Variants in TJP1 observed in about 807,000 individuals in gnomAD.
TJP1 encodes the protein tight junction protein 1, also known as tight junction protein ZO-1.
Under a neutral mutation model 194.2 loss-of-function variants are expected in TJP1, and 43 were observed. The ratio of observed to expected loss-of-function variants is 0.22; its 90% CI spans 0.17 to 0.29. The LOEUF is 0.29. Ranked by LOEUF, TJP1 falls within the 10% of genes least tolerant of loss-of-function variation. The pLI is 1.00. For synonymous variants in TJP1, 801 were observed against 779.0 expected, an observed-to-expected ratio of 1.03 and a Z score of -0.47; for missense variants, 1,971 against 2,185.7, an observed-to-expected ratio of 0.90 and a Z score of 1.96.
chr15:29,772,047 A>T lies in TJP1; in HGVS notation c.312+17T>A. The T allele has an allele frequency of 2.6e-6, 4 of 1,523,080 alleles. No homozygotes were observed. The highest frequency in any genetic ancestry group is 3.6e-6 in the Non-Finnish European group (4 of 1,113,932). The allele number at this position is 1,523,080 out of a possible 1,614,324, so 94.3% of individuals were successfully genotyped here. On this transcript the variant is annotated intron_variant, in intron 4 of 27. Transcript: ENST00000614355. Reference sequence around the variant, plus strand: ...AGTTGGGGTACCTTTACTAAATTACAGAGAAAAGATACTTACAATTTTTGC... The same window carrying T: ...AGTTGGGGTACCTTTACTAAATTACTGAGAAAAGATACTTACAATTTTTGC...
intron 27 of TJP1, among the ~76,000 whole-genome samples, chr15:29,703,619 G>A (rs1164613344): frequency 6.6e-6 from 1 of 151,956 alleles, no homozygotes; most frequent in Non-Finnish European, 1.5e-5. Flanking sequence ...TGAACACCAA[G>A]AAATAGTCAA....
chr15:29,942,561 G>C (rs868674716), intron 2 of TJP1, among the ~76,000 whole-genome samples: 1 of 152,172 alleles, frequency 6.6e-6, no homozygotes, highest in African/African-American at 2.4e-5. Flanking sequence ...CTGGCCTCTG[G>C]AACTCCCAAA....
At chr15:29,828,793 GC>G (rs1668644816) in intron 2 of TJP1, among the ~76,000 whole-genome samples, 1 of 150,792 alleles carries the variant, frequency 6.6e-6, no homozygotes. Context: ...GAGTCCAGTG[GC>G]TTGATCTCTG....
chr15:29,895,925 C>T (rs1475391011), intron 2 of TJP1, among the ~76,000 whole-genome samples: 1 of 152,094 alleles, frequency 6.6e-6, no homozygotes, highest in African/African-American at 2.4e-5. Flanking sequence ...GGGGAGAGCC[C>T]ACTCTCTCTT....
At chr15:29,939,453 C>T (rs1468732201) in intron 2 of TJP1, among the ~76,000 whole-genome samples, 3 of 152,076 alleles carry the variant, frequency 2.0e-5, no homozygotes, top group African/African-American at 4.8e-5. Flanking sequence ...GGTTCACAGC[C>T]CAAACCAGAG....
At chr15:29,745,324 G>A (rs1285882770) in intron 8 of TJP1, among the ~76,000 whole-genome samples, 8 of 132,412 alleles carry the variant, frequency 6.0e-5, no homozygotes, top group African/African-American at 8.4e-5. Flanking sequence ...AAAACTTAAT[G>A]AATATTAAAG....
chr15:29,854,020 A>G (rs2152088651), intron 2 of TJP1, among the ~76,000 whole-genome samples: 1 of 152,286 alleles, frequency 6.6e-6, no homozygotes, highest in Non-Finnish European at 1.5e-5. Context: ...TGTGACTGAT[A>G]TGTCAGTTTT....
chr15:29,781,180 G>T (rs902318765), intron 2 of TJP1, among the ~76,000 whole-genome samples: 4 of 152,098 alleles, frequency 2.6e-5, no homozygotes, highest in Non-Finnish European at 5.9e-5. Context: ...AACCATCAGA[G>T]AATACTATGA....
At chr15:29,862,646 T>C (rs2052126696) in intron 2 of TJP1, among the ~76,000 whole-genome samples, 1 of 110,932 alleles carries the variant, frequency 9.0e-6, no homozygotes, top group Non-Finnish European at 1.7e-5. Flanking sequence ...TTTTTTCTTT[T>C]CTTTTTTTTT....
At chr15:29,919,396 A>AT (rs1161194409) in intron 2 of TJP1, among the ~76,000 whole-genome samples, 1 of 152,168 alleles carries the variant, frequency 6.6e-6, no homozygotes, top group Non-Finnish European at 1.5e-5. Context: ...CAGTCATACA[A>AT]CAGTGTTTTT....
At chr15:29,724,870 A>G (rs1363647118) in intron 18 of TJP1, among the ~76,000 whole-genome samples, 1 of 152,210 alleles carries the variant, frequency 6.6e-6, no homozygotes, top group African/African-American at 2.4e-5. Flanking sequence ...TTTAAAACCA[A>G]GCAAAGAAAG....
intron 5 of TJP1, 133 bp downstream of exon 5, chr15:29,766,133 T>A: frequency 8.2e-7 from 1 of 1,220,848 alleles, no homozygotes; most frequent in South Asian, 1.6e-5. Flanking sequence ...CATAACAGGA[T>A]TTGACTTACA....
intron 2 of TJP1, among the ~76,000 whole-genome samples, 163 bp from the exon 3 acceptor site, chr15:29,773,520 C>A (rs2046824029): frequency 6.6e-6 from 1 of 152,190 alleles, no homozygotes; most frequent in Non-Finnish European, 1.5e-5. Flanking sequence ...TATCCTTGTA[C>A]AAGAATGCAT....
chr15:29,814,019 T>C (rs1196504673), intron 1 of TJP1, among the ~76,000 whole-genome samples: 2 of 152,224 alleles, frequency 1.3e-5, no homozygotes, highest in African/African-American at 4.8e-5. Context: ...GTTAAGCATA[T>C]AAGCCAATTA....
chr15:29,857,075 A>G (rs1416225211), intron 2 of TJP1, among the ~76,000 whole-genome samples: 2 of 152,182 alleles, frequency 1.3e-5, no homozygotes, highest in Admixed American at 1.3e-4. Flanking sequence ...TTGAACATCC[A>G]TGGATTTTGA....
At chr15:29,809,821 G>A (rs1042595567) in intron 1 of TJP1, among the ~76,000 whole-genome samples, 2 of 151,686 alleles carry the variant, frequency 1.3e-5, no homozygotes, top group African/African-American at 4.8e-5. Context: ...ACTCCAGCCT[G>A]GGCAACCAGG....
At chr15:29,937,640 G>A (rs546833638) in intron 2 of TJP1, among the ~76,000 whole-genome samples, 24 of 152,146 alleles carry the variant, frequency 1.6e-4, no homozygotes, top group African/African-American at 4.6e-4. Flanking sequence ...CAGACAACAC[G>A]GACCCACTCA....
intron 2 of TJP1, among the ~76,000 whole-genome samples, chr15:29,897,706 G>A (rs966449109): frequency 6.6e-6 from 1 of 152,204 alleles, no homozygotes; most frequent in Non-Finnish European, 1.5e-5. Flanking sequence ...TCCACCTCTT[G>A]CATCAGTGTG....
rs45484895 is a variant in TJP1, at chr15:29,762,624, G to A, written c.590-186C>T. On this transcript the variant is annotated intron_variant, in intron 5 of 27. Transcript: ENST00000614355. ...TAATTAGCAAGTCTGCAATGTCTCC[G>A]TGAAAGCCAAGGGAAAGTGTATGGT... Among the ~76,000 whole-genome samples, 9 of 152,250 alleles carry A rather than the reference G, an allele frequency of 5.9e-5. No homozygotes were observed. In the East Asian group the frequency reaches 7.7e-4, roughly 13 times the overall value.
Sources: gnomAD v4.1 joint callset for allele counts (sites outside exome capture counted in the v4.1 genomes callset) on GRCh38, gnomAD v4.1.1 for gene constraint, MANE v1.5 for transcripts, NCBI Gene and HGNC (gene_info 2026-07-23, HGNC 2026-07-21) for gene names.